Variants in TAFA5 observed in about 807,000 individuals in gnomAD.
TAFA5 encodes the protein chemokine-like protein TAFA-5.
In TAFA5, 6 loss-of-function variants were observed where a neutral mutation model predicts 15.3. The ratio of observed to expected loss-of-function variants is 0.39; its 90% confidence interval spans 0.21 to 0.77. TAFA5 has a LOEUF of 0.77. Among genes scored for constraint, TAFA5 ranks in the 30% least tolerant of loss-of-function variants. The pLI, the probability that TAFA5 is intolerant of heterozygous loss-of-function variation, is 0.41. For missense variants in TAFA5, 161 were observed against 193.1 expected (o/e 0.83, Z 0.98); for synonymous variants, 103 against 80.7 (o/e 1.28, Z -1.48).
intron 1 of TAFA5, among the ~76,000 whole-genome samples, chr22:48,582,876 CCACA>C (rs1274063727): frequency 2.0e-5 from 3 of 148,672 alleles, no homozygotes; most frequent in South Asian, 2.2e-4. Flanking sequence ...GCAAAATACA[CCACA>C]CACACTGCAC....
intron 1 of TAFA5, among the ~76,000 whole-genome samples, chr22:48,536,066 C>G (rs1922151083): frequency 6.6e-6 from 1 of 152,264 alleles, no homozygotes; most frequent in South Asian, 2.1e-4. Context: ...GCTGCACCGC[C>G]GCTTGGTGCC....
At chr22:48,497,473 A>G (rs1335507734) in intron 1 of TAFA5, among the ~76,000 whole-genome samples, 1 of 151,180 alleles carries the variant, frequency 6.6e-6, no homozygotes, top group Non-Finnish European at 1.5e-5. Flanking sequence ...GCCAGGGGTC[A>G]TCAGTCTGGG....
Position 48,519,102 on chromosome 22 carries a change from G to A in TAFA5, c.112+29398G>A, listed in dbSNP as rs143851415. On this transcript the variant is annotated intron_variant, in intron 1 of 3. Coordinates refer to ENST00000402357, the MANE Select transcript of TAFA5 (RefSeq NM_001082967.3). ...CTGACCCCAGGCCGAGAGCTATAGG[G>A]TAGTTTAAATTTGAAAATTAACATG... Among the ~76,000 whole-genome samples, 336 of 152,318 alleles carry A rather than the reference G, an allele frequency of 2.2e-3. 1 individual carries two copies. The highest frequency in any genetic ancestry group is 3.5e-3 in the Non-Finnish European group (239 of 68,032).
chr22:48,741,468 C>G (rs556242574), intron 3 of TAFA5, among the ~76,000 whole-genome samples: 7 of 152,354 alleles, frequency 4.6e-5, no homozygotes, highest in South Asian at 2.1e-4. Context: ...CCTGAGTCCA[C>G]AGGTCAGCCC....
chr22:48,646,123 T>C (rs1926853581), intron 1 of TAFA5, among the ~76,000 whole-genome samples: 3 of 152,154 alleles, frequency 2.0e-5, no homozygotes. Context: ...TTGACAAGCC[T>C]GAGCGGGGGT....
In TAFA5 at chr22:48,693,405, C is replaced by T. The variant is rs746952164; in HGVS notation, c.263-14312C>T. ...AGGTGAGTCGGAGATCCGTGCGCGTCATAGTGCAGCCCGTGCAGGCAGTAA... is the reference window on the plus strand; with the variant it reads ...AGGTGAGTCGGAGATCCGTGCGCGTTATAGTGCAGCCCGTGCAGGCAGTAA... On this transcript the variant is annotated intron_variant, in intron 2 of 3. Coordinates refer to ENST00000402357, the MANE Select transcript of TAFA5 (RefSeq NM_001082967.3). The T allele has an allele frequency of 1.9e-6, 3 of 1,612,200 alleles. No individual in the cohort carries two copies. The East Asian group carries it at 6.7e-5, about 36-fold the overall frequency.
At chr22:48,708,907 C>G (rs1021444910) in intron 3 of TAFA5, among the ~76,000 whole-genome samples, 1 of 152,172 alleles carries the variant, frequency 6.6e-6, no homozygotes, top group African/African-American at 2.4e-5. Context: ...TGGGCTGTTC[C>G]GGCACTTGGT....
intron 1 of TAFA5, among the ~76,000 whole-genome samples, chr22:48,542,654 T>TGTGTGTGTGGTGG: frequency 7.4e-6 from 1 of 135,958 alleles, no homozygotes; most frequent in Non-Finnish European, 1.6e-5. Flanking sequence ...GTGTGTGGTG[T>TGTGTGTGTGGTGG]GTGTGTGGTG....
chr22:48,610,997 A>G (rs1168598181), intron 1 of TAFA5, among the ~76,000 whole-genome samples: 2 of 150,522 alleles, frequency 1.3e-5, no homozygotes, highest in African/African-American at 4.9e-5. Flanking sequence ...ACAGTGGTGC[A>G]GTCTCGGCTC....
intron 2 of TAFA5, among the ~76,000 whole-genome samples, chr22:48,673,859 C>A (rs1321772949): frequency 2.0e-5 from 3 of 152,134 alleles, no homozygotes; most frequent in Admixed American, 1.3e-4. Context: ...CAGGCCCTTC[C>A]CCTAACTCTG....
Position 48,742,061 on chromosome 22 carries a change from C to T in TAFA5, c.391-7778C>T, listed in dbSNP as rs1342985567. On this transcript the variant is annotated intron_variant, in intron 3 of 3. Transcript: ENST00000402357. This position sits in a 1 kb window ranked among gnomAD's most constrained non-coding sequence, Gnocchi z 6.2. Reference sequence around the variant, plus strand: ...TGTTACAGACGGGGAAACTGGGGCTCCCAGAGGCTCCAGCTGGGAGGCTGT... The same window carrying T: ...TGTTACAGACGGGGAAACTGGGGCTTCCAGAGGCTCCAGCTGGGAGGCTGT... 1.3e-5 allele frequency among the ~76,000 whole-genome samples: 2 copies of T among 152,176 alleles called. No individual in the cohort carries two copies. Among genetic ancestry groups the T allele is most frequent in the Admixed American group, 6.5e-5 (1 of 15,280 alleles).
At chr22:48,719,016 C>G (rs1187557874) in intron 3 of TAFA5, among the ~76,000 whole-genome samples, 1 of 152,238 alleles carries the variant, frequency 6.6e-6, no homozygotes, top group African/African-American at 2.4e-5. Context: ...TCAGCTCCGC[C>G]TTGAGGACTG....
chr22:48,749,427 G>A (rs1414277297), intron 3 of TAFA5, among the ~76,000 whole-genome samples: 3 of 152,228 alleles, frequency 2.0e-5, no homozygotes, highest in East Asian at 3.8e-4. Flanking sequence ...CATTCTGGGT[G>A]AGCTCTGCAG....
At chr22:48,685,497 G>A (rs2147233455) in intron 2 of TAFA5, among the ~76,000 whole-genome samples, 1 of 152,314 alleles carries the variant, frequency 6.6e-6, no homozygotes, top group South Asian at 2.1e-4. Flanking sequence ...GTCATGTGAT[G>A]CTGCACCAGA....
At chr22:48,680,794 T>A (rs1226869513) in intron 2 of TAFA5, among the ~76,000 whole-genome samples, 2 of 152,254 alleles carry the variant, frequency 1.3e-5, no homozygotes, top group Non-Finnish European at 2.9e-5. Context: ...AGCACAGTGC[T>A]GCAGACACCT....
intron 1 of TAFA5, among the ~76,000 whole-genome samples, chr22:48,533,039 G>C (rs1334027100): frequency 2.0e-5 from 3 of 152,168 alleles, no homozygotes; most frequent in African/African-American, 7.2e-5. Flanking sequence ...AATGCTGCCA[G>C]GGGACGGGGG....
chr22:48,737,734 C>T (rs1930071054), intron 3 of TAFA5, among the ~76,000 whole-genome samples: 1 of 152,214 alleles, frequency 6.6e-6, no homozygotes, highest in Non-Finnish European at 1.5e-5. Context: ...CAGCCCTGCT[C>T]CCTAGCGCTG....
At chr22:48,590,996 C>G (rs565455570) in intron 1 of TAFA5, among the ~76,000 whole-genome samples, 1 of 152,060 alleles carries the variant, frequency 6.6e-6, no homozygotes, top group African/African-American at 2.4e-5. Context: ...GGATTACAGG[C>G]GCCCATCACC....
Position 48,560,190 on chromosome 22 carries a change from C to T in TAFA5, c.112+70486C>T, listed in dbSNP as rs200107977. The stretch of plus-strand genomic sequence containing the variant: ...TCTCAGCAGGGGACCGTTTCTCTAA[C>T]GGGAGCCTGTCAGTTTCTGGGCGGG... On this transcript the variant is annotated intron_variant, in intron 1 of 3. Coordinates refer to ENST00000402357, the MANE Select transcript of TAFA5 (RefSeq NM_001082967.3). The surrounding 1 kb of genome is among the most constrained non-coding windows in gnomAD (Gnocchi z 4.2). 2.9e-4 allele frequency among the ~76,000 whole-genome samples: 44 copies of T among 152,316 alleles called. No homozygotes were observed. The East Asian group carries it at 6.2e-3, about 21-fold the overall frequency.
Sources: gnomAD v4.1 joint callset for allele counts (sites outside exome capture counted in the v4.1 genomes callset) on GRCh38, gnomAD v4.1.1 for gene constraint, Gnocchi (gnomAD v3.1) non-coding constraint, MANE v1.5 for transcripts, NCBI Gene and HGNC (gene_info 2026-07-23, HGNC 2026-07-21) for gene names.